The following PAMR1 variants were observed in gnomAD, a reference collection of about 807,000 sequenced individuals.
The protein encoded by PAMR1 is inactive serine protease PAMR1.
Under a neutral mutation model 81.8 loss-of-function variants are expected in PAMR1, and 88 were observed. That is an observed-to-expected ratio of 1.08 (90% CI 0.91 to 1.28). The LOEUF is 1.28. PAMR1 is among the 50% of genes most tolerant of loss of function. The probability of loss-of-function intolerance (pLI) is 0.00; values close to 1 mark genes in which losing one functional copy is unlikely to be tolerated. For synonymous variants in PAMR1, 336 were observed against 345.3 expected (o/e 0.97, Z 0.30); for missense variants, 935 against 919.7 (o/e 1.02, Z -0.21).
chr11:35,432,849 A>C lies in PAMR1; in HGVS notation c.1670T>G (p.Leu557Arg). Residue 557 changes from leucine to arginine, a missense_variant, in exon 11 of 11, where the codon CTT becomes CGT. By Grantham distance (102) the Leu-to-Arg change is moderately radical. Transcript: ENST00000619888. ...ILHPNYDPIL[L>R]DADIAILKLL... Reference sequence around the variant, plus strand: ...CTTCAGGATGGCGATGTCAGCATCAAGCAGGATGGGGTCATAGTTGGGATG... The same window carrying C: ...CTTCAGGATGGCGATGTCAGCATCACGCAGGATGGGGTCATAGTTGGGATG... 1 of 1,599,572 alleles carries C rather than the reference A, an allele frequency of 6.3e-7. No individual in the cohort carries two copies. The highest frequency in any genetic ancestry group is 8.5e-7 in the Non-Finnish European group (1 of 1,178,864).
intron 6 of PAMR1, among the ~76,000 whole-genome samples, chr11:35,466,859 G>A (rs914140539): frequency 6.6e-5 from 10 of 151,976 alleles, no homozygotes; most frequent in African/African-American, 2.2e-4. Flanking sequence ...AGAAGTGACT[G>A]TAGTAGATAT....
chr11:35,490,898 C>CA (rs1218271157), intron 3 of PAMR1, among the ~76,000 whole-genome samples: 2 of 152,142 alleles, frequency 1.3e-5, no homozygotes, highest in Non-Finnish European at 2.9e-5. Context: ...CAGTGACAGA[C>CA]AAAATCATTA....
At chr11:35,477,452 G>A (rs1005332569) in intron 3 of PAMR1, among the ~76,000 whole-genome samples, 3 of 152,172 alleles carry the variant, frequency 2.0e-5, no homozygotes, top group African/African-American at 7.2e-5. Context: ...ACTGTAAATC[G>A]TTATCCTAAT....
At chr11:35,490,873 CCAAGGTCATACTGG>C (rs1850611749) in intron 3 of PAMR1, among the ~76,000 whole-genome samples, 1 of 152,232 alleles carries the variant, frequency 6.6e-6, no homozygotes, top group African/African-American at 2.4e-5. Flanking sequence ...GATGACTTGT[CCAAGGTCATACTGG>C]CAGTGACAGA....
intron 1 of PAMR1, among the ~76,000 whole-genome samples, chr11:35,506,223 C>T (rs910127871): frequency 1.5e-4 from 22 of 151,626 alleles, no homozygotes; most frequent in African/African-American, 5.3e-4. Flanking sequence ...CATATTTTTA[C>T]ACTGCCTATT....
At chr11:35,499,268 G>C (rs148807386) in intron 1 of PAMR1, among the ~76,000 whole-genome samples, 1 of 152,092 alleles carries the variant, frequency 6.6e-6, no homozygotes, top group African/African-American at 2.4e-5. Context: ...GCCTGCCTTG[G>C]GTTCATATTT....
intron 1 of PAMR1, among the ~76,000 whole-genome samples, chr11:35,498,113 T>TAATAATA (rs1334526721): frequency 6.6e-6 from 1 of 152,222 alleles, no homozygotes; most frequent in Admixed American, 6.5e-5. Flanking sequence ...TGTGTGTTAT[T>TAATAATA]AATAATATGC....
chr11:35,473,390 C>A (rs1850225341), intron 4 of PAMR1, among the ~76,000 whole-genome samples: 1 of 152,134 alleles, frequency 6.6e-6, no homozygotes, highest in African/African-American at 2.4e-5. Context: ...GGAGAAGCTC[C>A]TCAGAGGCCC....
intron 6 of PAMR1, chr11:35,453,459 T>A (rs1856463615): frequency 1.3e-5 from 2 of 151,684 alleles, no homozygotes; most frequent in African/African-American, 2.4e-5. Flanking sequence ...TTCAATTGCA[T>A]CCTACATCAA....
intron 3 of PAMR1, among the ~76,000 whole-genome samples, chr11:35,487,994 T>G (rs1372570594): frequency 2.0e-5 from 3 of 152,156 alleles, no homozygotes; most frequent in Middle Eastern, 3.2e-3. Flanking sequence ...ATTCTTTTCC[T>G]CCTGTCTCAG....
In PAMR1 at chr11:35,432,602, G is replaced by A. The variant is rs767974456; in HGVS notation, c.1917C>T (p.Ile639=). The change falls in exon 11 of 11, where the codon ATC becomes ATT. Residue 639 remains isoleucine, a synonymous_variant. Coordinates refer to ENST00000619888, the MANE Select transcript of PAMR1 (RefSeq NM_001001991.3). ...ACATGTTATCAGTGACACTCACTGG[G>A]ATGCCATGGTCCTCATGCTGCTCCT... ...LCEEQHEDHG[I]PVSVTDNMFC... 4 of 1,614,122 alleles carry A rather than the reference G, an allele frequency of 2.5e-6. No individual in the cohort carries two copies. The highest frequency in any genetic ancestry group is 1.1e-5 in the South Asian group (1 of 91,050).
At chr11:35,492,460 AAT>A (rs1850649261) in intron 2 of PAMR1, among the ~76,000 whole-genome samples, 1 of 152,202 alleles carries the variant, frequency 6.6e-6, no homozygotes, top group East Asian at 1.9e-4. Context: ...AGAATCTATC[AAT>A]ATAGAGTCTT....
chr11:35,490,027 T>A (rs572143673), intron 3 of PAMR1, among the ~76,000 whole-genome samples: 1 of 152,258 alleles, frequency 6.6e-6, no homozygotes, highest in East Asian at 1.9e-4. Context: ...GACTCACAAT[T>A]CCACATGCTG....
chr11:35,514,704 C>T (rs531613247), intron 1 of PAMR1, among the ~76,000 whole-genome samples: 19 of 152,216 alleles, frequency 1.2e-4, no homozygotes, highest in Admixed American at 9.8e-4. Context: ...AAATATTTGG[C>T]GGCCAGGTGT....
chr11:35,524,371 T>G (rs914295489), intron 1 of PAMR1, among the ~76,000 whole-genome samples: 5 of 151,668 alleles, frequency 3.3e-5, no homozygotes, highest in Non-Finnish European at 7.4e-5. Flanking sequence ...GGCAGGGGGG[T>G]TTGTGTATCT....
At chr11:35,471,601 GA>G (rs140402407) in intron 4 of PAMR1, among the ~76,000 whole-genome samples, 2,298 of 152,264 alleles carry the variant, frequency 0.015, 49 homozygotes, top group African/African-American at 0.053. Flanking sequence ...CTCACCCAAA[GA>G]GTAGAGAAAG....
intron 8 of PAMR1, among the ~76,000 whole-genome samples, chr11:35,438,313 A>G (rs979661347): frequency 1.3e-5 from 2 of 152,262 alleles, no homozygotes; most frequent in African/African-American, 2.4e-5. Flanking sequence ...CTCAGAGGTT[A>G]TAGTGAGGAT....
Position 35,439,701 on chromosome 11 carries a change from TAAA to T in PAMR1, c.1034-11_1034-9del. The T allele has an allele frequency of 6.2e-7, 1 of 1,610,182 alleles. No individual in the cohort carries two copies. The highest frequency in any genetic ancestry group is 8.5e-7 in the Non-Finnish European group (1 of 1,176,438). ...TCTTTGGTTCTCGGCAGGCTAGAAATAAAAAAGACAATGCTGCATGATCCTTTT... is the reference window on the plus strand; with the variant it reads ...TCTTTGGTTCTCGGCAGGCTAGAAATAAAGACAATGCTGCATGATCCTTTT... On this transcript the variant is annotated splice_polypyrimidine_tract_variant and intron_variant, in intron 7 of 10. Coordinates refer to ENST00000619888, the MANE Select transcript of PAMR1 (RefSeq NM_001001991.3).
intron 6 of PAMR1, among the ~76,000 whole-genome samples, chr11:35,448,165 T>C (rs1856336083): frequency 6.6e-6 from 1 of 152,188 alleles, no homozygotes; most frequent in South Asian, 2.1e-4. Flanking sequence ...GTTCTCTGGA[T>C]TTCCTGAATT....
Sources: allele counts gnomAD v4.1 joint callset (sites outside exome capture counted in the v4.1 genomes callset), GRCh38; gene constraint gnomAD v4.1.1; transcripts MANE v1.5; gene names NCBI Gene and HGNC (gene_info 2026-07-23, HGNC 2026-07-21).